Variants in NRG1 observed in about 807,000 individuals in gnomAD.
NRG1 encodes the protein neuregulin 1.
A neutral mutation model predicts 63.8 loss-of-function variants in NRG1; 18 were observed. The ratio of observed to expected loss-of-function variants is 0.28; its 90% CI spans 0.19 to 0.42. The LOEUF is 0.42. Among genes scored for constraint, NRG1 ranks in the 10% least tolerant of loss-of-function variants. The probability of loss-of-function intolerance (pLI) is 1.00; values close to 1 mark genes in which losing one functional copy is unlikely to be tolerated. For missense variants in NRG1, 762 were observed against 814.7 expected, an observed-to-expected ratio of 0.94 and a Z score of 0.79; for synonymous variants, 302 against 301.3, an observed-to-expected ratio of 1.00 and a Z score of -0.02.
chr8:32,424,371 C>T (rs917391387), intron 1 of NRG1, among the ~76,000 whole-genome samples: 2 of 152,104 alleles, frequency 1.3e-5, no homozygotes, highest in Non-Finnish European at 2.9e-5. Flanking sequence ...TCAGAGCACA[C>T]TCACCTTGAA....
chr8:32,583,986 T>C (rs1841167460), intron 1 of NRG1, among the ~76,000 whole-genome samples: 2 of 152,226 alleles, frequency 1.3e-5, no homozygotes, highest in African/African-American at 4.8e-5. Flanking sequence ...TGTCAGAATG[T>C]GTGGGAAGCA....
chr8:31,977,937 G>T (rs777578648), intron 1 of NRG1, among the ~76,000 whole-genome samples: 1 of 152,034 alleles, frequency 6.6e-6, no homozygotes, highest in African/African-American at 2.4e-5. Context: ...ATTCTACAAT[G>T]TACAGAAATT....
intron 1 of NRG1, among the ~76,000 whole-genome samples, chr8:32,439,771 ATT>A (rs11306096): frequency 0.03 from 3,992 of 133,396 alleles, 117 homozygotes; most frequent in African/African-American, 0.087. Context: ...CGAATAAGTG[ATT>A]TTTTTTTTTT....
chr8:32,574,577 T>G (rs994282508), intron 1 of NRG1, among the ~76,000 whole-genome samples: 1 of 152,136 alleles, frequency 6.6e-6, no homozygotes, highest in Non-Finnish European at 1.5e-5. Context: ...TAAGATCTGG[T>G]CATTTTAAAG....
At chr8:32,563,331 T>G (rs1053624885) in intron 1 of NRG1, among the ~76,000 whole-genome samples, 2 of 152,220 alleles carry the variant, frequency 1.3e-5, no homozygotes, top group Non-Finnish European at 2.9e-5. Flanking sequence ...ATTTGTTTTA[T>G]GTAGGAAACA....
At chr8:32,596,784 T>C (rs535777463) in intron 2 of NRG1, among the ~76,000 whole-genome samples, 1 of 152,278 alleles carries the variant, frequency 6.6e-6, no homozygotes, top group East Asian at 1.9e-4. Flanking sequence ...GTTAATGATA[T>C]AATTTTATCT....
At chr8:32,708,209 T>G (rs1816933603) in intron 5 of NRG1, among the ~76,000 whole-genome samples, 1 of 152,154 alleles carries the variant, frequency 6.6e-6, no homozygotes, top group South Asian at 2.1e-4. Flanking sequence ...TTAAACAGAT[T>G]ATTGAAAAAG....
intron 1 of NRG1, among the ~76,000 whole-genome samples, chr8:32,462,867 G>A (rs1227240838): frequency 6.6e-6 from 1 of 152,008 alleles, no homozygotes; most frequent in Admixed American, 6.6e-5. Flanking sequence ...GCCTCCCAAA[G>A]TTCTGGGATT....
At chr8:31,655,368 T>C (rs1805328710) in intron 1 of NRG1, among the ~76,000 whole-genome samples, 1 of 152,152 alleles carries the variant, frequency 6.6e-6, no homozygotes, top group Non-Finnish European at 1.5e-5. Context: ...CAGGTGAACA[T>C]ATAACAGAAG....
At chr8:31,830,065 A>G (rs1203162314) in intron 1 of NRG1, among the ~76,000 whole-genome samples, 1 of 152,166 alleles carries the variant, frequency 6.6e-6, no homozygotes, top group Admixed American at 6.5e-5. Flanking sequence ...CACTTTACAT[A>G]AAAATAGTAT....
intron 1 of NRG1, among the ~76,000 whole-genome samples, chr8:31,871,284 T>A (rs1203607657): frequency 2.0e-5 from 3 of 152,104 alleles, no homozygotes; most frequent in Non-Finnish European, 4.4e-5. Flanking sequence ...CTTGTTTTCC[T>A]TTTGTCAAGA....
chr8:31,946,666 C>A (rs1802592290), intron 1 of NRG1, among the ~76,000 whole-genome samples: 1 of 152,104 alleles, frequency 6.6e-6, no homozygotes, highest in South Asian at 2.1e-4. Context: ...GTGACACTAG[C>A]CTATGGCGGC....
At chr8:32,013,473 T>C (rs1381169096) in intron 1 of NRG1, among the ~76,000 whole-genome samples, 1 of 152,086 alleles carries the variant, frequency 6.6e-6, no homozygotes, top group Non-Finnish European at 1.5e-5. Flanking sequence ...GAAAAGTTCC[T>C]GGGTTGCCTA....
At chr8:32,359,180 T>C (rs926350074) in intron 1 of NRG1, among the ~76,000 whole-genome samples, 6 of 152,140 alleles carry the variant, frequency 3.9e-5, no homozygotes, top group African/African-American at 1.4e-4. Flanking sequence ...ATGATACTTA[T>C]CTTTTAGAGT....
intron 5 of NRG1, among the ~76,000 whole-genome samples, chr8:32,627,654 T>C (rs1475769133): frequency 6.6e-6 from 1 of 152,182 alleles, no homozygotes; most frequent in African/African-American, 2.4e-5. Context: ...ACTAGTTTTG[T>C]TTTTTAATTT....
At chr8:31,888,229 A>G (rs1830877299) in intron 1 of NRG1, among the ~76,000 whole-genome samples, 1 of 152,060 alleles carries the variant, frequency 6.6e-6, no homozygotes, top group Admixed American at 6.6e-5. Flanking sequence ...ACGCTGAAGT[A>G]GCTTTCAGAT....
intron 1 of NRG1, among the ~76,000 whole-genome samples, chr8:32,468,412 A>G (rs1426301246): frequency 6.6e-6 from 1 of 152,208 alleles, no homozygotes; most frequent in Non-Finnish European, 1.5e-5. Context: ...AAAGGGCCCT[A>G]TAAATAGTTA....
chr8:31,766,618 G>A (rs1194647341), intron 1 of NRG1, among the ~76,000 whole-genome samples: 1 of 152,060 alleles, frequency 6.6e-6, no homozygotes, highest in East Asian at 1.9e-4. Flanking sequence ...GATTTTCCAG[G>A]ATATTTCTGA....
At chr8:32,250,076 C>T (rs538382719) in intron 1 of NRG1, among the ~76,000 whole-genome samples, 1 of 152,146 alleles carries the variant, frequency 6.6e-6, no homozygotes, top group South Asian at 2.1e-4. Flanking sequence ...AATCATTACT[C>T]TTTTCCGGAA....
Sources: gnomAD v4.1 joint callset for allele counts (sites outside exome capture counted in the v4.1 genomes callset) on GRCh38, gnomAD v4.1.1 for gene constraint, MANE v1.5 for transcripts, NCBI Gene and HGNC (gene_info 2026-07-23, HGNC 2026-07-21) for gene names.